EMSY: variants seen among roughly 807,000 people sequenced by gnomAD.
EMSY encodes EMSY transcriptional repressor, BRCA2 interacting, also known as BRCA2-interacting transcriptional repressor EMSY.
A neutral mutation model predicts 134.6 loss-of-function variants in EMSY; 26 were observed. The ratio of observed to expected loss-of-function variants is 0.19; its 90% CI spans 0.14 to 0.27. The LOEUF is 0.27. Among genes scored for constraint, EMSY ranks in the 10% least tolerant of loss-of-function variants. The pLI is 1.00. For missense variants in EMSY, 1,305 were observed against 1,611.4 expected (o/e 0.81, Z 3.26); for synonymous variants, 579 against 577.8 (o/e 1.00, Z -0.03).
chr11:76,516,492 A>T (rs1208048049), intron 11 of EMSY, 180 bp downstream of exon 12: 2 of 411,228 alleles, frequency 4.9e-6, no homozygotes, highest in Non-Finnish European at 4.2e-6. Context: ...CAATATTCAC[A>T]TATAAAGCTT....
At chr11:76,536,755 T>C (rs1951237062) in intron 15 of EMSY, among the ~76,000 whole-genome samples, 1 of 152,208 alleles carries the variant, frequency 6.6e-6, no homozygotes, top group Admixed American at 6.5e-5. Context: ...ATCCAAACCT[T>C]TCATTTTATG....
intron 7 of EMSY, among the ~76,000 whole-genome samples, chr11:76,467,995 A>AC (rs199905004): frequency 1.0e-3 from 153 of 151,830 alleles, no homozygotes; most frequent in East Asian, 6.8e-3. Context: ...AAAAAAACAA[A>AC]AAAAAAAACT....
At chr11:76,510,452 G>A (rs1027289220) in intron 9 of EMSY, among the ~76,000 whole-genome samples, 2 of 152,226 alleles carry the variant, frequency 1.3e-5, no homozygotes, top group African/African-American at 4.8e-5. Flanking sequence ...AAGTATCTAG[G>A]GTGGGGTAAG....
chr11:76,490,155 GTCT>G (rs1949361848), intron 8 of EMSY, among the ~76,000 whole-genome samples: 1 of 151,056 alleles, frequency 6.6e-6, no homozygotes, highest in South Asian at 2.1e-4. Context: ...CTCTTTTCCA[GTCT>G]TCTTTTATTT....
At chr11:76,516,792 A>ATTACTGATGTCACT (rs1950464924) in intron 11 of EMSY, 1 of 152,238 alleles carries the variant, frequency 6.6e-6, no homozygotes, top group Non-Finnish European at 1.5e-5. Flanking sequence ...CATAATTTCA[A>ATTACTGATGTCACT]TTACTGATGT....
Position 76,527,354 on chromosome 11 carries a change from T to G in EMSY, c.1995+719T>G, listed in dbSNP as rs567762398. ...GTATCTAAAAAAAAAATAAGCTTTG[T>G]GACAAGTCCAAATTGCCTATGGAGT... is the stretch of plus-strand genomic sequence containing the variant. On this transcript the variant is annotated intron_variant, in intron 13 of 20. Transcript: ENST00000334736. Among the ~76,000 whole-genome samples the G allele has an allele frequency of 2.2e-4, 34 of 152,294 alleles. 1 individual carries two copies. In the South Asian group the frequency reaches 6.8e-3, roughly 31 times the overall value.
intron 8 of EMSY, among the ~76,000 whole-genome samples, chr11:76,480,620 G>T (rs1948935828): frequency 6.6e-6 from 1 of 152,172 alleles, no homozygotes; most frequent in Non-Finnish European, 1.5e-5. Context: ...TGGGGGAGTT[G>T]CTGGCAAGGT....
intron 4 of EMSY, 60 bp from the exon 5 acceptor site, chr11:76,454,689 A>G: frequency 8.9e-7 from 1 of 1,120,584 alleles, no homozygotes; most frequent in East Asian, 2.6e-5. Flanking sequence ...TTGATGCATC[A>G]GTTTCATACT....
chr11:76,450,039 ATTTC>A (rs1947589629), intron 2 of EMSY, among the ~76,000 whole-genome samples: 1 of 139,858 alleles, frequency 7.2e-6, no homozygotes, highest in Admixed American at 7.6e-5. Context: ...CTTTTACTCT[ATTTC>A]TTTTGTACAT....
At chr11:76,552,294 G>T (rs1951855018), downstream of EMSY, 1 of 152,148 alleles carries the variant, frequency 6.6e-6, no homozygotes, top group South Asian at 2.1e-4. Flanking sequence ...TCCTGCTCAT[G>T]AAATGGATAC....
chr11:76,528,544 C>T, intron 14 of EMSY, 78 bp downstream of exon 15: 1 of 954,220 alleles, frequency 1.0e-6, no homozygotes, highest in Middle Eastern at 2.6e-4. Flanking sequence ...GTTGCTTCTA[C>T]ACATTTCACA....
At chr11:76,485,522 A>G (rs61894532) in intron 8 of EMSY, among the ~76,000 whole-genome samples, 20,691 of 152,164 alleles carry the variant, frequency 0.14, 1,782 homozygotes, top group East Asian at 0.28. Context: ...ACTCTCAATA[A>G]ACTAGGTATT....
At chr11:76,511,300 A>T (rs946154255) in intron 9 of EMSY, among the ~76,000 whole-genome samples, 1 of 152,232 alleles carries the variant, frequency 6.6e-6, no homozygotes, top group African/African-American at 2.4e-5. Context: ...TTTGATCCAG[A>T]TTTTAAACTT....
At chr11:76,508,555 C>T (rs566448396) in intron 9 of EMSY, among the ~76,000 whole-genome samples, 1 of 152,176 alleles carries the variant, frequency 6.6e-6, no homozygotes, top group Non-Finnish European at 1.5e-5. Context: ...GCATTAGTCC[C>T]TAACAAGAGA....
intron 6 of EMSY, chr11:76,460,364 A>T: frequency 3.5e-6 from 1 of 288,336 alleles, no homozygotes; most frequent in Non-Finnish European, 6.5e-6. Flanking sequence ...GATTGTCATG[A>T]AATAGAAATA....
intron 4 of EMSY, 135 bp downstream of exon 4, chr11:76,453,523 A>G: frequency 1.4e-6 from 1 of 729,632 alleles, no homozygotes; most frequent in Non-Finnish European, 2.1e-6. Flanking sequence ...TCCTGATCAT[A>G]GCAGTAAAAG....
chr11:76,526,352 C>A, intron 12 of EMSY, 110 bp from the exon 14 acceptor site: 1 of 701,548 alleles, frequency 1.4e-6, no homozygotes, highest in Non-Finnish European at 2.2e-6. Flanking sequence ...GTTACATAAT[C>A]TACAGCCCTT....
intron 9 of EMSY, among the ~76,000 whole-genome samples, chr11:76,501,342 A>G (rs1388133330): frequency 6.6e-6 from 1 of 152,204 alleles, no homozygotes; most frequent in Non-Finnish European, 1.5e-5. Context: ...AAACTATAAG[A>G]GCAACCAGAT....
chr11:76,475,247 C>T (rs1948731340), intron 8 of EMSY, among the ~76,000 whole-genome samples: 2 of 152,216 alleles, frequency 1.3e-5, no homozygotes, highest in African/African-American at 4.8e-5. Flanking sequence ...TTTTCTCTGC[C>T]AATACTCATC....
Sources: gnomAD v4.1 joint callset for allele counts (sites outside exome capture counted in the v4.1 genomes callset) on GRCh38, gnomAD v4.1.1 for gene constraint, MANE v1.5 for transcripts, NCBI Gene and HGNC (gene_info 2026-07-23, HGNC 2026-07-21) for gene names.